Variants in RASL11B observed in about 807,000 individuals in gnomAD.
RASL11B encodes RAS like family 11 member B.
A neutral mutation model predicts 22.9 loss-of-function variants in RASL11B; 14 were observed. The ratio of observed to expected loss-of-function variants is 0.61; its 90% confidence interval spans 0.40 to 0.96. The LOEUF (loss-of-function observed/expected upper bound fraction) is 0.96. Among genes scored for constraint, RASL11B ranks in the 40% least tolerant of loss-of-function variants. The pLI is 0.00. For synonymous variants in RASL11B, 143 were observed against 130.2 expected, an observed-to-expected ratio of 1.10 and a Z score of -0.67; for missense variants, 261 against 322.0, an observed-to-expected ratio of 0.81 and a Z score of 1.45.
In RASL11B at chr4:52,862,416, C is replaced by G. The variant is rs944726988; in HGVS notation, c.-92C>G. The G allele has an allele frequency of 9.7e-6, 13 of 1,334,396 alleles. No homozygotes were observed. The highest frequency in any genetic ancestry group is 1.3e-5 in the Non-Finnish European group (13 of 983,610). The allele number at this position is 1,334,396 out of a possible 1,614,324, so 82.7% of individuals were successfully genotyped here. ...TTGTTGTTATTTCTTACCGCGGAGC[C>G]CCGCAGTCGGGTCCTCCCGCCCGCT... On this transcript the variant is annotated 5_prime_UTR_variant, in exon 1 of 4. Coordinates refer to ENST00000248706, the MANE Select transcript of RASL11B (RefSeq NM_023940.3).
Position 52,865,862 on chromosome 4 carries a change from C to T in RASL11B, c.*57C>T, listed in dbSNP as rs1219104260. ...TCCCAGGAAGAGGGCCTGAGGTTCT[C>T]CTAGTGCAGGAACGTTGAATATTGG... On this transcript the variant is annotated 3_prime_UTR_variant, in exon 4 of 4. Transcript: ENST00000248706. 3.1e-6 allele frequency: 4 copies of T among 1,307,010 alleles called. No individual in the cohort carries two copies. The African/African-American group carries it at 4.4e-5, about 14-fold the overall frequency. 81.0% of individuals were successfully genotyped at this position (1,307,010 alleles called of 1,614,324 possible). A position where few individuals can be genotyped will look rare whatever the true frequency, so the allele number is the denominator to read the frequency against.
chr4:52,863,380 C>T, intron 2 of RASL11B, 56 bp downstream of exon 2: 1 of 1,422,886 alleles, frequency 7.0e-7, no homozygotes, highest in Non-Finnish European at 9.9e-7. Flanking sequence ...CTGCGGTTCC[C>T]ATTTTCCAGC....
rs1485184398 is a variant in RASL11B, at chr4:52,866,392, C to T, written c.*587C>T. 6.5e-6 allele frequency: 1 copy of T among 153,444 alleles called. No individual in the cohort carries two copies. Among genetic ancestry groups the T allele is most frequent in the East Asian group, 1.9e-4 (1 of 5,216 alleles). 9.5% of individuals were successfully genotyped at this position (153,444 alleles called of 1,614,324 possible). On this transcript the variant is annotated 3_prime_UTR_variant, in exon 4 of 4. Transcript: ENST00000248706. ...TGGAAAATCCCCTACCCCTCAAAAA[C>T]AGGTTGAGTTTATGGGCCAGAATAT...
At position 52,866,005 on chromosome 4, in the gene RASL11B, A is replaced by G. The variant is rs962093814; in HGVS notation, c.*200A>G. On this transcript the variant is annotated 3_prime_UTR_variant, in exon 4 of 4. Coordinates refer to ENST00000248706, the MANE Select transcript of RASL11B (RefSeq NM_023940.3). ...GGACAGGATTGATGAGGCTTGAAAG[A>G]GCCCACTGAGCCACTCTCTGAATAT... The G allele has an allele frequency of 3.4e-6, 2 of 586,692 alleles. No homozygotes were observed. Among genetic ancestry groups the G allele is most frequent in the African/African-American group, 1.9e-5 (1 of 53,806 alleles). 36.3% of individuals were successfully genotyped at this position (586,692 alleles called of 1,614,324 possible). A position where few individuals can be genotyped will look rare whatever the true frequency, so the allele number is the denominator to read the frequency against.
rs780286631 is a variant in RASL11B, at chr4:52,862,667, G to T, written c.142+18G>T. On this transcript the variant is annotated intron_variant, in intron 1 of 3. Transcript: ENST00000248706. ...CAAGACCGGTGAGTCGTCGCGCTTA[G>T]CCCTGGGTCTGGTCTTGGACGACCC... 16 of 1,547,206 alleles carry T rather than the reference G, an allele frequency of 1.0e-5. No homozygotes were observed. Among genetic ancestry groups the T allele is most frequent in the Admixed American group, 7.6e-5 (4 of 52,954 alleles).
intron 2 of RASL11B, 135 bp downstream of exon 2, chr4:52,863,459 T>TC (rs952615313): frequency 1.4e-6 from 1 of 695,538 alleles, no homozygotes; most frequent in African/African-American, 1.8e-5. Flanking sequence ...CTTTCCCCAG[T>TC]CCCCAGCCCT....
chr4:52,864,322 T>TA (rs1718219344), intron 2 of RASL11B, 156 bp from the exon 3 acceptor site: 33 of 575,170 alleles, frequency 5.7e-5, no homozygotes, highest in Non-Finnish European at 7.8e-5. Flanking sequence ...TGTTGTTTTT[T>TA]AAAAAAAATC....
rs1718178122 is a variant in RASL11B at position 52,862,534 on chromosome 4, C to T, written c.27C>T (p.Thr9=). 1 of 1,606,704 alleles carries T rather than the reference C, an allele frequency of 6.2e-7. No individual in the cohort carries two copies. The highest frequency in any genetic ancestry group is 8.5e-7 in the Non-Finnish European group (1 of 1,177,632). Residue 9 remains threonine, a synonymous_variant, in exon 1 of 4, where the codon ACC becomes ACT. Transcript: ENST00000248706. ...TGCGCCTCATTCAGAACATGTGCAC[C>T]ATCGCCGAGTACCCCGCGCCGGGCA... MRLIQNMC[T]IAEYPAPGNA...
rs1718248330 is a variant in RASL11B at position 52,865,754 on chromosome 4, G to A, written c.696G>A (p.Arg232=). 6.2e-7 allele frequency: 1 copy of A among 1,614,022 alleles called. No homozygotes were observed. The highest frequency in any genetic ancestry group is 8.5e-7 in the Non-Finnish European group (1 of 1,180,028). The change falls in exon 4 of 4, where the codon AGG becomes AGA. Residue 232 remains arginine (R), a synonymous_variant. Transcript: ENST00000248706. ...PKSPNMQDLK[R]RFKQALSAKV... is the part of the protein sequence containing the mutation. ...CACCCAACATGCAGGACCTGAAGAG[G>A]AGGTTTAAGCAAGCCCTCTCTGCCA...
chr4:52,864,335 A>T, intron 2 of RASL11B, 143 bp from the exon 3 acceptor site: 1 of 574,754 alleles, frequency 1.7e-6, no homozygotes, highest in South Asian at 3.0e-5. Context: ...AAAAAATCTG[A>T]AGTAAGCCCA....
chr4:52,862,725 G>A, intron 1 of RASL11B, 76 bp downstream of exon 1: 3 of 1,433,836 alleles, frequency 2.1e-6, no homozygotes, highest in Non-Finnish European at 1.8e-6. Context: ...AAGGCGTGGG[G>A]AGCGGTGGGA....
intron 1 of RASL11B, 79 bp downstream of exon 1, chr4:52,862,728 C>T (rs1718183553): frequency 1.4e-6 from 2 of 1,427,688 alleles, no homozygotes; most frequent in Non-Finnish European, 9.2e-7. Context: ...GCGTGGGGAG[C>T]GGTGGGAGCT....
In RASL11B at chr4:52,866,704, CT is replaced by C. The variant is rs5858187; in HGVS notation, c.*901del. On this transcript the variant is annotated 3_prime_UTR_variant, in exon 4 of 4. Transcript: ENST00000248706. Reference sequence around the variant, plus strand: ...TAAGGGTGGCTGAAATACTAAAACACTTATCTTACAGCAAGTGAACAGGGGC... The same window carrying C: ...TAAGGGTGGCTGAAATACTAAAACACTATCTTACAGCAAGTGAACAGGGGC... 0.12 allele frequency: 18,274 copies of C among 152,582 alleles called. 1,329 individuals carry two copies. Among genetic ancestry groups the C allele is most frequent in the East Asian group, 0.25 (1,316 of 5,182 alleles). The allele number at this position is 152,582 out of a possible 1,614,324, so 9.5% of individuals were successfully genotyped here.
In RASL11B at chr4:52,863,324, G is replaced by A. The variant is rs1367626402; in HGVS notation, c.199G>A (p.Gly67Ser). 6.2e-7 allele frequency: 1 copy of A among 1,612,430 alleles called. No individual in the cohort carries two copies. The highest frequency in any genetic ancestry group is 8.5e-7 in the Non-Finnish European group (1 of 1,178,882). ...RFIGDYERNAGNLYTRQVQIE... is the reference protein window; with the variant it reads ...RFIGDYERNASNLYTRQVQIE... ...CATCGGTGACTATGAAAGAAATGCA[G>A]GTGAGACAATGCATTTGAGAAAAAT... The change falls in exon 2 of 4, where the codon GGT (glycine) becomes AGT (serine). Residue 67 changes from glycine (G) to serine (S), a missense_variant and splice_region_variant. By Grantham distance (56) the Gly-to-Ser change is moderately conservative. Coordinates refer to ENST00000248706, the MANE Select transcript of RASL11B (RefSeq NM_023940.3).
In RASL11B at chr4:52,866,503, TG is replaced by T. The variant is rs1384588254; in HGVS notation, c.*699del. On this transcript the variant is annotated 3_prime_UTR_variant, in exon 4 of 4. Transcript: ENST00000248706. ...CAGGATGAGCATGCTCAGTTGGGCG[TG>T]TGTGGAGGAGCTGTGAACTTCACGC... 3 of 152,362 alleles carry T rather than the reference TG, an allele frequency of 2.0e-5. No homozygotes were observed. Among genetic ancestry groups the T allele is most frequent in the African/African-American group, 7.2e-5 (3 of 41,452 alleles). The allele number at this position is 152,362 out of a possible 1,614,324, so 9.4% of individuals were successfully genotyped here.
chr4:52,862,408 C>CA lies in RASL11B; in HGVS notation c.-100_-99insA, dbSNP rs1419798982. The CA allele has an allele frequency of 3.7e-5, 38 of 1,019,888 alleles. No individual in the cohort carries two copies. In the African/African-American group the frequency reaches 6.4e-4, roughly 17 times the overall value. 63.2% of individuals were successfully genotyped at this position (1,019,888 alleles called of 1,614,324 possible). The stretch of plus-strand genomic sequence containing the variant: ...CTTATTTATTGTTGTTATTTCTTAC[C>CA]GCGGAGCCCCGCAGTCGGGTCCTCC... On this transcript the variant is annotated 5_prime_UTR_variant, in exon 1 of 4. Coordinates refer to ENST00000248706, the MANE Select transcript of RASL11B (RefSeq NM_023940.3).
intron 3 of RASL11B, 35 bp from the exon 4 acceptor site, chr4:52,865,300 C>T (rs1333493292): frequency 1.2e-5 from 18 of 1,542,424 alleles, no homozygotes; most frequent in African/African-American, 1.4e-5. Context: ...GTACAACTGG[C>T]CAGCATTCAC....
In RASL11B at chr4:52,863,378, C is replaced by T. The variant is rs1251345302; in HGVS notation, c.199+54C>T. The T allele has an allele frequency of 2.7e-6, 4 of 1,462,182 alleles. No individual in the cohort carries two copies. The African/African-American group carries it at 4.2e-5, about 15-fold the overall frequency. The allele number at this position is 1,462,182 out of a possible 1,614,324, so 90.6% of individuals were successfully genotyped here. A position where few individuals can be genotyped will look rare whatever the true frequency, so the allele number is the denominator to read the frequency against. Reference sequence around the variant, plus strand: ...GTCCCATTGCAGGAGGACTGCGGTTCCCATTTTCCAGCGCTTCCCAGGGAG... The same window carrying T: ...GTCCCATTGCAGGAGGACTGCGGTTTCCATTTTCCAGCGCTTCCCAGGGAG... On this transcript the variant is annotated intron_variant, in intron 2 of 3. Transcript: ENST00000248706.
Position 52,862,736 on chromosome 4 carries a change from G to A in RASL11B, c.142+87G>A, listed in dbSNP as rs1009634969. ...GAACAAGGCGTGGGGAGCGGTGGGA[G>A]CTGCAGCCCGACCGCTCTCCGTCCC... On this transcript the variant is annotated intron_variant, in intron 1 of 3. Coordinates refer to ENST00000248706, the MANE Select transcript of RASL11B (RefSeq NM_023940.3). 63 of 1,400,342 alleles carry A rather than the reference G, an allele frequency of 4.5e-5. No individual in the cohort carries two copies. In the Admixed American group the frequency reaches 5.4e-4, roughly 12 times the overall value. The allele number at this position is 1,400,342 out of a possible 1,614,324, so 86.7% of individuals were successfully genotyped here.
Sources: allele counts gnomAD v4.1 joint callset, GRCh38; gene constraint gnomAD v4.1.1; transcripts MANE v1.5; gene names NCBI Gene and HGNC (gene_info 2026-07-23, HGNC 2026-07-21).